CREB5: variants seen among roughly 807,000 people sequenced by gnomAD.
CREB5 encodes the protein cyclic AMP-responsive element-binding protein 5.
Under a neutral mutation model 57.1 loss-of-function variants are expected in CREB5, and 19 were observed. The ratio of observed to expected loss-of-function variants is 0.33; its 90% CI spans 0.23 to 0.49. CREB5 has a LOEUF of 0.49. CREB5 is among the 20% of genes least tolerant of loss of function. The probability of loss-of-function intolerance (pLI) is 0.99; values close to 1 mark genes in which losing one functional copy is unlikely to be tolerated. For synonymous variants in CREB5, 238 were observed against 238.3 expected (o/e 1.00, Z 0.01); for missense variants, 579 against 671.6 (o/e 0.86, Z 1.52).
intron 4 of CREB5, among the ~76,000 whole-genome samples, chr7:28,519,151 G>A (rs1222526451): frequency 6.6e-6 from 1 of 152,148 alleles, no homozygotes; most frequent in African/African-American, 2.4e-5. Flanking sequence ...TGACATTGCT[G>A]CCTGGAAGAG....
intron 5 of CREB5, among the ~76,000 whole-genome samples, chr7:28,619,544 C>G (rs1170435676): frequency 6.6e-6 from 1 of 152,154 alleles, no homozygotes; most frequent in East Asian, 1.9e-4. Context: ...CACAAATAAA[C>G]CCCCTTCTTG....
intron 4 of CREB5, among the ~76,000 whole-genome samples, chr7:28,557,945 C>T (rs1477786716): frequency 1.3e-5 from 2 of 152,114 alleles, no homozygotes; most frequent in African/African-American, 4.8e-5. Context: ...GCACCAGGGA[C>T]CCCTAAGGAT....
intron 4 of CREB5, among the ~76,000 whole-genome samples, chr7:28,509,504 A>G (rs190307831): frequency 1.4e-4 from 22 of 152,314 alleles, no homozygotes; most frequent in African/African-American, 5.3e-4. Flanking sequence ...GTTTACTGCT[A>G]AACTTTGAAA....
At chr7:28,568,602 GT>G (rs1432925502) in intron 4 of CREB5, among the ~76,000 whole-genome samples, 1 of 152,168 alleles carries the variant, frequency 6.6e-6, no homozygotes, top group Non-Finnish European at 1.5e-5. Flanking sequence ...CAATCATAGT[GT>G]TTTCCCACAT....
At chr7:28,636,541 CTTTG>C (rs1798424499) in intron 5 of CREB5, among the ~76,000 whole-genome samples, 1 of 152,116 alleles carries the variant, frequency 6.6e-6, no homozygotes, top group Non-Finnish European at 1.5e-5. Flanking sequence ...TTATATAATT[CTTTG>C]TTTAATGTTC....
intron 5 of CREB5, among the ~76,000 whole-genome samples, chr7:28,576,473 T>C (rs1305462074): frequency 6.6e-6 from 1 of 152,196 alleles, no homozygotes; most frequent in Non-Finnish European, 1.5e-5. Context: ...TGTTTCCCCA[T>C]GCTCCTGACC....
intron 6 of CREB5, among the ~76,000 whole-genome samples, chr7:28,720,102 G>A (rs919601142): frequency 2.6e-5 from 4 of 152,052 alleles, no homozygotes; most frequent in Admixed American, 2.0e-4. Flanking sequence ...ACATAGAAGG[G>A]AGATACCCAG....
intron 1 of CREB5, among the ~76,000 whole-genome samples, chr7:28,319,865 AC>A (rs1374947413): frequency 6.6e-6 from 1 of 151,942 alleles, no homozygotes; most frequent in African/African-American, 2.4e-5. Flanking sequence ...CTCATGGAAA[AC>A]ATTCCCCTTT....
At chr7:28,435,879 C>G (rs1788940097) in intron 1 of CREB5, among the ~76,000 whole-genome samples, 1 of 152,168 alleles carries the variant, frequency 6.6e-6, no homozygotes, top group South Asian at 2.1e-4. Flanking sequence ...ATATTCTTTA[C>G]AGAAACCAGA....
chr7:28,525,120 G>A (rs1274307437), intron 4 of CREB5, among the ~76,000 whole-genome samples: 2 of 151,912 alleles, frequency 1.3e-5, no homozygotes, highest in Non-Finnish European at 1.5e-5. Flanking sequence ...TTAACGTAAC[G>A]ACCTTCAGTT....
chr7:28,402,963 G>A (rs1005820879), intron 1 of CREB5, among the ~76,000 whole-genome samples: 1 of 152,138 alleles, frequency 6.6e-6, no homozygotes, highest in Admixed American at 6.5e-5. Flanking sequence ...ATACGCACCT[G>A]CACCTCCAAT....
chr7:28,588,669 T>A (rs577832315), intron 5 of CREB5, among the ~76,000 whole-genome samples: 1 of 152,362 alleles, frequency 6.6e-6, no homozygotes, highest in African/African-American at 2.4e-5. Flanking sequence ...GCCTTCCAAG[T>A]CTAGGTTCCA....
chr7:28,723,709 CCAA>C lies in CREB5; in HGVS notation c.592-512_592-510del, dbSNP rs140917362. ...TTTTAAAACTAATTATTTTGATTGC[CCAA>C]AAGATTTATGTTTACTATATAAAAT... On this transcript the variant is annotated intron_variant, in intron 6 of 10. Transcript: ENST00000357727. 4.4e-3 allele frequency among the ~76,000 whole-genome samples: 667 copies of C among 152,008 alleles called. 2 individuals carry two copies. The highest frequency in any genetic ancestry group is 0.016 in the African/African-American group (645 of 41,474).
chr7:28,462,202 G>A (rs1012128138), intron 1 of CREB5, among the ~76,000 whole-genome samples: 4 of 152,072 alleles, frequency 2.6e-5, no homozygotes, highest in African/African-American at 9.7e-5. Context: ...CTTTCACTTA[G>A]CATAACTTTT....
chr7:28,786,530 G>A (rs1435376275), intron 7 of CREB5, among the ~76,000 whole-genome samples: 2 of 151,990 alleles, frequency 1.3e-5, no homozygotes, highest in African/African-American at 4.8e-5. Flanking sequence ...TTACAGGTGT[G>A]AGCCACTGCG....
intron 4 of CREB5, among the ~76,000 whole-genome samples, chr7:28,533,497 C>T (rs1793821482): frequency 6.6e-6 from 1 of 152,210 alleles, no homozygotes; most frequent in South Asian, 2.1e-4. Context: ...ACACTGACTT[C>T]AGTCATACTG....
chr7:28,594,743 A>G (rs1439208854), intron 5 of CREB5, among the ~76,000 whole-genome samples: 2 of 152,220 alleles, frequency 1.3e-5, no homozygotes, highest in Non-Finnish European at 2.9e-5. Context: ...AATAGTTTTC[A>G]TATTAGACTC....
intron 5 of CREB5, among the ~76,000 whole-genome samples, chr7:28,660,084 C>T (rs6972282): frequency 0.42 from 63,334 of 152,050 alleles, 16,555 homozygotes; most frequent in African/African-American, 0.75. Context: ...TTGAAATGAG[C>T]TGAGATGATT....
chr7:28,557,461 C>A (rs1794923690), intron 4 of CREB5, among the ~76,000 whole-genome samples: 1 of 151,532 alleles, frequency 6.6e-6, no homozygotes, highest in Non-Finnish European at 1.5e-5. Context: ...AAAAATAGAA[C>A]CATTAGGTTT....
Sources: allele counts gnomAD v4.1 joint callset (sites outside exome capture counted in the v4.1 genomes callset), GRCh38; gene constraint gnomAD v4.1.1; transcripts MANE v1.5; gene names NCBI Gene and HGNC (gene_info 2026-07-23, HGNC 2026-07-21).